The following RIMS2 variants were observed in gnomAD, a reference collection of about 807,000 sequenced individuals.
RIMS2 encodes the protein regulating synaptic membrane exocytosis protein 2.
Under a neutral mutation model 174.4 loss-of-function variants are expected in RIMS2, and 59 were observed. The observed-to-expected ratio is 0.34, with a 90% CI of 0.27 to 0.42. The LOEUF is 0.42. Ranked by LOEUF, RIMS2 falls within the 10% of genes least tolerant of loss-of-function variation. RIMS2 has a pLI of 1.00. For synonymous variants in RIMS2, 606 were observed against 572.5 expected (o/e 1.06, Z -0.84); for missense variants, 1,620 against 1,666.3 (o/e 0.97, Z 0.48).
chr8:104,003,808 T>A (rs1032771443), intron 17 of RIMS2, among the ~76,000 whole-genome samples: 4 of 152,062 alleles, frequency 2.6e-5, no homozygotes, highest in African/African-American at 7.2e-5. Context: ...TTAGAAATGG[T>A]GATAACAAGT....
chr8:103,531,344 GA>G (rs1044953668), intron 1 of RIMS2, among the ~76,000 whole-genome samples: 2 of 151,954 alleles, frequency 1.3e-5, no homozygotes, highest in South Asian at 2.1e-4. Context: ...AATCAATAAT[GA>G]AAAAAATAAG....
intron 19 of RIMS2, chr8:104,223,258 C>T: frequency 3.5e-6 from 2 of 566,218 alleles, no homozygotes; most frequent in Non-Finnish European, 2.3e-6. Flanking sequence ...AGCCGCGCCG[C>T]CACCTCCCCC....
chr8:103,948,093 C>T (rs1222881605), intron 14 of RIMS2, among the ~76,000 whole-genome samples: 2 of 152,058 alleles, frequency 1.3e-5, no homozygotes, highest in Non-Finnish European at 2.9e-5. Context: ...GAAAAGCTGC[C>T]CAACATCGTT....
At chr8:103,733,183 G>A (rs1010803244) in intron 2 of RIMS2, among the ~76,000 whole-genome samples, 3 of 152,076 alleles carry the variant, frequency 2.0e-5, no homozygotes, top group African/African-American at 4.8e-5. Flanking sequence ...TCAAGGCAGC[G>A]GGTTCTCTTC....
chr8:103,885,197 A>G (rs2099192630), intron 3 of RIMS2, 101 bp from the exon 7 acceptor site: 1 of 1,428,820 alleles, frequency 7.0e-7, no homozygotes, highest in Non-Finnish European at 9.1e-7. Flanking sequence ...TAAAAAGGCA[A>G]AAGGACTACT....
At chr8:103,743,470 C>G (rs140522703) in intron 2 of RIMS2, among the ~76,000 whole-genome samples, 3 of 151,920 alleles carry the variant, frequency 2.0e-5, no homozygotes, top group African/African-American at 7.2e-5. Flanking sequence ...ATAAAAAAAC[C>G]GCATTATAGT....
At position 103,579,768 on chromosome 8, in the gene RIMS2, G is replaced by A. The variant is rs148970130; in HGVS notation, c.176+78706G>A. On this transcript the variant is annotated intron_variant, in intron 1 of 23. Transcript: ENST00000504942. The stretch of plus-strand genomic sequence containing the variant: ...CACACTGCTATAAAGAACTACCTGA[G>A]ACTGGGTAATTTATGAATAATGACT... 6.0e-3 allele frequency among the ~76,000 whole-genome samples: 909 copies of A among 152,268 alleles called. 4 individuals are homozygous for A. The highest frequency in any genetic ancestry group is 9.9e-3 in the Non-Finnish European group (674 of 68,026).
chr8:103,637,326 G>A (rs2096111358), intron 1 of RIMS2, among the ~76,000 whole-genome samples: 1 of 152,018 alleles, frequency 6.6e-6, no homozygotes, highest in Non-Finnish European at 1.5e-5. Flanking sequence ...AAGAATTTTT[G>A]CATCTGTGTT....
At chr8:103,652,685 C>T (rs941847168) in intron 1 of RIMS2, 1 of 1,350,420 alleles carries the variant, frequency 7.4e-7, no homozygotes, top group Middle Eastern at 2.1e-4. Flanking sequence ...CCAGCAAAAA[C>T]AACAAAATGA....
intron 19 of RIMS2, among the ~76,000 whole-genome samples, chr8:104,058,866 A>T (rs2096923330): frequency 6.6e-6 from 1 of 152,160 alleles, no homozygotes; most frequent in Admixed American, 6.5e-5. Context: ...TTTGCCAAAG[A>T]TCAGATATTT....
At chr8:103,887,416 A>G (rs148730918) in intron 4 of RIMS2, among the ~76,000 whole-genome samples, 53 of 151,428 alleles carry the variant, frequency 3.5e-4, no homozygotes, top group African/African-American at 1.2e-3. Context: ...AAACCTTTGT[A>G]TTTGGTGATT....
intron 19 of RIMS2, among the ~76,000 whole-genome samples, chr8:104,132,455 C>T (rs1042206664): frequency 1.3e-5 from 2 of 152,082 alleles, no homozygotes; most frequent in Admixed American, 1.3e-4. Flanking sequence ...GTACTTATTA[C>T]CTAAATTTGC....
chr8:104,115,632 T>A (rs2098267296), intron 19 of RIMS2, among the ~76,000 whole-genome samples: 1 of 152,144 alleles, frequency 6.6e-6, no homozygotes, highest in Non-Finnish European at 1.5e-5. Flanking sequence ...ACATTTAATT[T>A]CCTGGGACTC....
chr8:103,681,467 G>A (rs972919057), intron 1 of RIMS2, among the ~76,000 whole-genome samples: 1 of 152,018 alleles, frequency 6.6e-6, no homozygotes, highest in African/African-American at 2.4e-5. Context: ...CAAGAACCAA[G>A]CGTGGACCAG....
intron 3 of RIMS2, among the ~76,000 whole-genome samples, chr8:103,839,560 A>G (rs2098927423): frequency 6.6e-6 from 1 of 152,240 alleles, no homozygotes; most frequent in African/African-American, 2.4e-5. Flanking sequence ...TTTCACAAAT[A>G]TCTCTCCAAG....
At chr8:103,611,044 A>T (rs1588980957) in intron 1 of RIMS2, among the ~76,000 whole-genome samples, 1 of 152,216 alleles carries the variant, frequency 6.6e-6, no homozygotes, top group East Asian at 1.9e-4. Flanking sequence ...TTCCTGGTTC[A>T]GTCTTGGGAG....
intron 14 of RIMS2, among the ~76,000 whole-genome samples, chr8:103,943,837 G>A (rs2154539854): frequency 6.6e-6 from 1 of 152,216 alleles, no homozygotes; most frequent in Middle Eastern, 3.4e-3. Flanking sequence ...AGTGCTGCAG[G>A]ACTGATTGAC....
chr8:104,044,628 A>G (rs749819888), intron 19 of RIMS2, among the ~76,000 whole-genome samples: 1 of 151,758 alleles, frequency 6.6e-6, no homozygotes, highest in African/African-American at 2.4e-5. Flanking sequence ...ATTAATTATC[A>G]TAGTTAACTA....
chr8:103,961,506 T>C (rs2090075399), intron 15 of RIMS2, among the ~76,000 whole-genome samples: 1 of 152,148 alleles, frequency 6.6e-6, no homozygotes, highest in Admixed American at 6.5e-5. Flanking sequence ...ATATGTCAAA[T>C]GTTTAAATGG....
Sources: gnomAD v4.1 joint callset for allele counts (sites outside exome capture counted in the v4.1 genomes callset) on GRCh38, gnomAD v4.1.1 for gene constraint, MANE v1.5 for transcripts, NCBI Gene and HGNC (gene_info 2026-07-23, HGNC 2026-07-21) for gene names.